The following ADAM17 variants were observed in gnomAD, a reference collection of about 807,000 sequenced individuals.
ADAM17 encodes the protein disintegrin and metalloproteinase domain-containing protein 17.
A neutral mutation model predicts 96.7 loss-of-function variants in ADAM17; 39 were observed. The observed-to-expected ratio is 0.40, with a 90% confidence interval of 0.31 to 0.53. The LOEUF is 0.53. Ranked by LOEUF, ADAM17 falls within the 20% of genes least tolerant of loss-of-function variation. ADAM17 has a pLI of 0.44. For missense variants in ADAM17, 777 were observed against 1,013.2 expected (o/e 0.77, Z 3.17); for synonymous variants, 344 against 359.2 (o/e 0.96, Z 0.48).
intron 10 of ADAM17, among the ~76,000 whole-genome samples, chr2:9,514,514 T>TATAA (rs1366767422): frequency 6.0e-4 from 45 of 74,732 alleles, no homozygotes; most frequent in Admixed American, 3.3e-3. Flanking sequence ...AAATTTAAAA[T>TATAA]ATAAATATAT....
intron 11 of ADAM17, 101 bp from the exon 12 acceptor site, chr2:9,505,466 C>A (rs918781466): frequency 4.0e-6 from 5 of 1,245,446 alleles, no homozygotes; most frequent in Middle Eastern, 2.3e-4. Context: ...TAATGTAAAA[C>A]CACCATCAGA....
intron 2 of ADAM17, among the ~76,000 whole-genome samples, chr2:9,537,736 A>C (rs1352018133): frequency 3.3e-5 from 5 of 151,996 alleles, no homozygotes; most frequent in Non-Finnish European, 7.4e-5. Context: ...AGAAAAAAAA[A>C]AAGTACTCGT....
chr2:9,528,027 CT>C, intron 4 of ADAM17, 73 bp from the exon 5 acceptor site: 1 of 1,050,562 alleles, frequency 9.5e-7, no homozygotes, highest in Non-Finnish European at 1.3e-6. Context: ...TTCTAACATT[CT>C]TTGCTTGTTC....
At chr2:9,534,805 T>C (rs1664896133) in intron 4 of ADAM17, among the ~76,000 whole-genome samples, 1 of 152,252 alleles carries the variant, frequency 6.6e-6, no homozygotes, top group African/African-American at 2.4e-5. Context: ...GCAATGAGCA[T>C]ATATTTTAAA....
intron 13 of ADAM17, among the ~76,000 whole-genome samples, chr2:9,499,788 C>T (rs1370915395): frequency 2.6e-5 from 4 of 152,160 alleles, no homozygotes; most frequent in South Asian, 2.1e-4. Flanking sequence ...ACTATGCACA[C>T]GGAAAACCAA....
intron 1 of ADAM17, among the ~76,000 whole-genome samples, chr2:9,547,467 G>T (rs2125043594): frequency 6.6e-6 from 1 of 152,280 alleles, no homozygotes; most frequent in East Asian, 1.9e-4. Flanking sequence ...AGTCAAAGAT[G>T]TTTTCCCAGG....
intron 13 of ADAM17, among the ~76,000 whole-genome samples, chr2:9,498,801 C>A (rs914475687): frequency 5.3e-5 from 8 of 152,066 alleles, no homozygotes; most frequent in African/African-American, 1.9e-4. Flanking sequence ...ATGATACTGC[C>A]CTGATACATT....
intron 1 of ADAM17, among the ~76,000 whole-genome samples, chr2:9,551,091 A>G (rs1231261374): frequency 2.6e-5 from 4 of 151,946 alleles, no homozygotes; most frequent in Middle Eastern, 3.4e-3. Flanking sequence ...AAAAAAGGTA[A>G]CTAATTTTGG....
At chr2:9,506,713 CG>C (rs1663430201) in intron 11 of ADAM17, 1 of 152,190 alleles carries the variant, frequency 6.6e-6, no homozygotes, top group African/African-American at 2.4e-5. Flanking sequence ...TTATTCTAAT[CG>C]GGGCCTCAGG....
chr2:9,534,578 T>C (rs1388292948), intron 4 of ADAM17, among the ~76,000 whole-genome samples: 3 of 152,066 alleles, frequency 2.0e-5, no homozygotes, highest in Non-Finnish European at 2.9e-5. Context: ...TTTAGATCTA[T>C]ATTAACACGA....
In ADAM17 at chr2:9,521,235, T is replaced by C. The variant is rs1205003270; in HGVS notation, c.925A>G (p.Lys309Glu). The change falls in exon 8 of 19, where the codon AAG (lysine) becomes GAG (glutamate). Residue 309 changes from lysine (K) to glutamate (E), a missense_variant. Lys to Glu is a moderately conservative substitution (Grantham distance 56). Around this residue, in one of 3 missense-constraint regions of ADAM17, gnomAD observed 446 missense variants for 664.7 expected, o/e 0.67. Transcript: ENST00000310823. ...AACATCTTCACATCCCAAGCATCCT[T>C]TTCTTCATTTGGGTAACTTTTTGCC... The part of the protein sequence containing the change: ...NMAKSYPNEE[K>E]DAWDVKMLLE... The C allele has an allele frequency of 2.5e-6, 4 of 1,611,334 alleles. No homozygotes were observed. The highest frequency in any genetic ancestry group is 1.7e-6 in the Non-Finnish European group (2 of 1,177,722).
chr2:9,508,108 C>T (rs990847416), intron 11 of ADAM17, among the ~76,000 whole-genome samples: 6 of 152,206 alleles, frequency 3.9e-5, no homozygotes, highest in Non-Finnish European at 8.8e-5. Context: ...CAAAGTAAAA[C>T]ATTTTGCTCC....
chr2:9,489,824 C>A lies in ADAM17; in HGVS notation c.*353G>T, dbSNP rs551456834. ...GTTCATTACAGTGTATAAAAAAAAA[C>A]TGATCATTTCCCTAGTCAGTGCTGT... On this transcript the variant is annotated 3_prime_UTR_variant, in exon 19 of 19. Coordinates refer to ENST00000310823, the MANE Select transcript of ADAM17 (RefSeq NM_003183.6). 2.9e-5 allele frequency: 4 copies of A among 138,950 alleles called. No individual in the cohort carries two copies. Among genetic ancestry groups the A allele is most frequent in the African/African-American group, 5.8e-5 (2 of 34,776 alleles). 8.6% of individuals were successfully genotyped at this position (138,950 alleles called of 1,614,324 possible). A position where few individuals can be genotyped will look rare whatever the true frequency, so the allele number is the denominator to read the frequency against.
At chr2:9,513,893 C>T (rs1663880706) in intron 10 of ADAM17, among the ~76,000 whole-genome samples, 1 of 151,468 alleles carries the variant, frequency 6.6e-6, no homozygotes, top group Admixed American at 6.6e-5. Flanking sequence ...TGCCTGTAAT[C>T]CCAGCTGCTC....
At chr2:9,549,424 A>G (rs1658628460) in intron 1 of ADAM17, among the ~76,000 whole-genome samples, 1 of 152,200 alleles carries the variant, frequency 6.6e-6, no homozygotes, top group South Asian at 2.1e-4. Context: ...GTATATCAAC[A>G]TATATACACA....
intron 6 of ADAM17, 82 bp from the exon 7 acceptor site, chr2:9,523,420 GA>G: frequency 2.4e-6 from 3 of 1,256,250 alleles, no homozygotes; most frequent in South Asian, 2.6e-5. Flanking sequence ...TATGGGGAAA[GA>G]AAAAATCTCA....
chr2:9,497,159 G>A lies in ADAM17; in HGVS notation c.1738C>T (p.Pro580Ser). The change falls in exon 14 of 19, where the codon CCT becomes TCT. Residue 580 changes from proline to serine, a missense_variant. Coordinates refer to ENST00000310823, the MANE Select transcript of ADAM17 (RefSeq NM_003183.6). The part of the protein sequence containing the change: ...LGKCKDGKCI[P>S]FCEREQQLES... ...AGCTGCTGTTCCCTCTCGCAGAAAG[G>A]GATGCATTTCCCATCCTTACACTTG... The A allele has an allele frequency of 6.2e-7, 1 of 1,614,164 alleles. No homozygotes were observed. The highest frequency in any genetic ancestry group is 1.3e-5 in the African/African-American group (1 of 75,032).
At chr2:9,507,105 G>C (rs1168224244) in intron 11 of ADAM17, 1 of 152,190 alleles carries the variant, frequency 6.6e-6, no homozygotes, top group Non-Finnish European at 1.5e-5. Flanking sequence ...AGTAGAGGGT[G>C]ATGGGTTCTG....
intron 12 of ADAM17, among the ~76,000 whole-genome samples, chr2:9,503,137 CAAA>C (rs750548968): frequency 6.7e-5 from 5 of 74,190 alleles, no homozygotes; most frequent in Admixed American, 1.7e-4. Context: ...GAGACTCTCT[CAAA>C]AAAAAAAAAA....
Sources: allele counts gnomAD v4.1 joint callset (sites outside exome capture counted in the v4.1 genomes callset), GRCh38; gene constraint gnomAD v4.1.1; regional missense constraint gnomAD v4.1.1; transcripts MANE v1.5; gene names NCBI Gene and HGNC (gene_info 2026-07-23, HGNC 2026-07-21).